Variants in STRBP observed in about 807,000 individuals in gnomAD.
STRBP encodes the protein spermatid perinuclear RNA binding protein, also known as spermatid perinuclear RNA-binding protein.
Under a neutral mutation model 80.1 loss-of-function variants are expected in STRBP, and 13 were observed. The observed-to-expected ratio is 0.16, with a 90% CI of 0.11 to 0.26. STRBP has a LOEUF of 0.26. STRBP is among the 10% of genes least tolerant of loss of function. The probability of loss-of-function intolerance (pLI) is 1.00; values close to 1 mark genes in which losing one functional copy is unlikely to be tolerated. For synonymous variants in STRBP, 284 were observed against 291.2 expected, an observed-to-expected ratio of 0.98 and a Z score of 0.25; for missense variants, 485 against 815.2, an observed-to-expected ratio of 0.59 and a Z score of 4.93.
intron 2 of STRBP, among the ~76,000 whole-genome samples, chr9:123,226,477 G>A (rs1374195136): frequency 6.6e-6 from 1 of 152,138 alleles, no homozygotes; most frequent in Non-Finnish European, 1.5e-5. Context: ...TTCTAATTCA[G>A]ATGCCATGCC....
Position 123,268,540 on chromosome 9 carries a change from G to C in STRBP, c.-406C>G, listed in dbSNP as rs540253052. On this transcript the variant is annotated 5_prime_UTR_variant, in exon 1 of 19. Coordinates refer to ENST00000348403, the MANE Select transcript of STRBP (RefSeq NM_018387.5). ...GCTCCTCTGCCCAGCGGCGGCGGCT[G>C]CGGCGGCTGCTGCCCTGGTGGCGCT... 2.8e-4 allele frequency: 47 copies of C among 168,648 alleles called. No individual in the cohort carries two copies. The Middle Eastern group carries it at 7.5e-3, about 27-fold the overall frequency. 10.4% of individuals were successfully genotyped at this position (168,648 alleles called of 1,614,324 possible).
At chr9:123,120,374 A>T (rs2035711277), downstream of STRBP, among the ~76,000 whole-genome samples, 1 of 151,518 alleles carries the variant, frequency 6.6e-6, no homozygotes, top group Admixed American at 6.6e-5. Context: ...GCATCAGATG[A>T]ATGGGAATTA....
At chr9:123,184,013 C>T (rs2132466671) in intron 3 of STRBP, 119 bp downstream of exon 3, 2 of 919,958 alleles carry the variant, frequency 2.2e-6, no homozygotes, top group South Asian at 1.7e-5. Flanking sequence ...CTTTATATGA[C>T]ACACTAAAGC....
intron 11 of STRBP, among the ~76,000 whole-genome samples, chr9:123,154,175 T>C (rs1375196154): frequency 6.6e-6 from 1 of 152,186 alleles, no homozygotes; most frequent in Non-Finnish European, 1.5e-5. Flanking sequence ...ACACGGTAAG[T>C]GGTTGTCAAA....
At chr9:123,156,678 C>CAA (rs75671540) in intron 11 of STRBP, among the ~76,000 whole-genome samples, 8 of 88,712 alleles carry the variant, frequency 9.0e-5, no homozygotes, top group Admixed American at 1.1e-4. Flanking sequence ...AGAAAAAGGC[C>CAA]AAAAAAAAAA....
At chr9:123,223,396 C>G (rs1202157693) in intron 2 of STRBP, among the ~76,000 whole-genome samples, 1 of 152,046 alleles carries the variant, frequency 6.6e-6, no homozygotes, top group Non-Finnish European at 1.5e-5. Context: ...TTAATTTTAG[C>G]AAACGTGCCA....
At chr9:123,118,670 A>G (rs112016939), downstream of STRBP, among the ~76,000 whole-genome samples, 3 of 152,148 alleles carry the variant, frequency 2.0e-5, no homozygotes, top group African/African-American at 7.2e-5. Context: ...TTTAAGAAAA[A>G]CCTCCTGACT....
chr9:123,149,615 G>A (rs558174766), intron 11 of STRBP, among the ~76,000 whole-genome samples: 30 of 152,274 alleles, frequency 2.0e-4, no homozygotes, highest in Non-Finnish European at 3.5e-4. Context: ...AAAGGGTCTT[G>A]CTTTACAAAA....
chr9:123,123,372 T>C lies in STRBP; in HGVS notation c.*2225A>G. 1 of 985,448 alleles carries C rather than the reference T, an allele frequency of 1.0e-6. No homozygotes were observed. The highest frequency in any genetic ancestry group is 1.2e-6 in the Non-Finnish European group (1 of 829,928). The allele number at this position is 985,448 out of a possible 1,614,324, so 61.0% of individuals were successfully genotyped here. On this transcript the variant is annotated 3_prime_UTR_variant, in exon 19 of 19. Transcript: ENST00000348403. ...GGAAGGGCAACAGGTGGGGGGACAC[T>C]TAATTCATTACAGAATTTAAACAGT...
rs1378430929 is a variant in STRBP at position 123,115,401 on chromosome 9, G to C, written c.*84+528C>G. Reference sequence around the variant, plus strand: ...CCAGGGCTGGCAAGGAGGATCCCTAGCAGGGAGGGGGAGACCCACTGAAGC... The same window carrying C: ...CCAGGGCTGGCAAGGAGGATCCCTACCAGGGAGGGGGAGACCCACTGAAGC... On this transcript the variant is annotated intron_variant and NMD_transcript_variant, in intron 3 of 3. Transcript: ENST00000471564. This position sits in a 1 kb window ranked among gnomAD's most constrained non-coding sequence, Gnocchi z 5.0. 1 of 470,988 alleles carries C rather than the reference G, an allele frequency of 2.1e-6. No individual in the cohort carries two copies. The highest frequency in any genetic ancestry group is 7.0e-5 in the East Asian group (1 of 14,388). The allele number at this position is 470,988 out of a possible 1,614,324, so 29.2% of individuals were successfully genotyped here.
chr9:123,188,653 T>C (rs960986450), intron 2 of STRBP, among the ~76,000 whole-genome samples: 4 of 151,926 alleles, frequency 2.6e-5, no homozygotes, highest in African/African-American at 9.7e-5. Context: ...AAAATAAAAA[T>C]AAAAATCTCA....
intron 1 of STRBP, among the ~76,000 whole-genome samples, chr9:123,238,861 A>G (rs966617774): frequency 1.3e-5 from 2 of 152,212 alleles, no homozygotes; most frequent in African/African-American, 2.4e-5. Context: ...TTTAAAAAAG[A>G]GACACCCCCC....
chr9:123,258,731 GCAGAGCTTGCAGTGAGC>G (rs1258097528), intron 1 of STRBP, among the ~76,000 whole-genome samples: 1 of 151,042 alleles, frequency 6.6e-6, no homozygotes, highest in Non-Finnish European at 1.5e-5. Context: ...AACCCCGGAG[GCAGAGCTTGCAGTGAGC>G]CAAGATCGGG....
intron 10 of STRBP, 23 bp downstream of exon 10, chr9:123,158,309 G>C (rs745955266): frequency 1.9e-6 from 3 of 1,606,262 alleles, no homozygotes; most frequent in Admixed American, 3.3e-5. Context: ...TAATAAGTCA[G>C]AGTGGCATGC....
intron 3 of STRBP, among the ~76,000 whole-genome samples, chr9:123,182,255 A>G (rs1165691996): frequency 6.6e-6 from 1 of 150,568 alleles, no homozygotes; most frequent in Non-Finnish European, 1.5e-5. Context: ...AAAAGACAAA[A>G]AATTAAATCA....
chr9:123,133,721 G>A (rs1237055532), intron 16 of STRBP, among the ~76,000 whole-genome samples: 3 of 152,032 alleles, frequency 2.0e-5, no homozygotes, highest in Non-Finnish European at 4.4e-5. Context: ...CGTATTTTTA[G>A]TAGAGACAGG....
chr9:123,147,647 C>T, intron 12 of STRBP, 131 bp downstream of exon 12: 1 of 705,270 alleles, frequency 1.4e-6, no homozygotes, highest in Non-Finnish European at 2.2e-6. Flanking sequence ...CACTGCACTC[C>T]AGTCTCAGTG....
chr9:123,163,940 G>C (rs2037637828), intron 6 of STRBP, among the ~76,000 whole-genome samples: 1 of 152,158 alleles, frequency 6.6e-6, no homozygotes, highest in African/African-American at 2.4e-5. Flanking sequence ...TTATCTCCTA[G>C]AATGACCAGT....
chr9:123,229,702 T>C (rs1032376575), intron 2 of STRBP, among the ~76,000 whole-genome samples: 4 of 152,190 alleles, frequency 2.6e-5, no homozygotes, highest in Non-Finnish European at 4.4e-5. Flanking sequence ...AAGGCACAAG[T>C]ACATGCTTCA....
Sources: gnomAD v4.1 joint callset for allele counts (sites outside exome capture counted in the v4.1 genomes callset) on GRCh38, gnomAD v4.1.1 for gene constraint, Gnocchi (gnomAD v3.1) non-coding constraint, MANE v1.5 for transcripts, NCBI Gene and HGNC (gene_info 2026-07-23, HGNC 2026-07-21) for gene names.